The following CLASP1 variants were observed in gnomAD, a reference collection of about 807,000 sequenced individuals.
The protein encoded by CLASP1 is cytoplasmic linker associated protein 1, also known as CLIP-associating protein 1.
CLASP1 carries 38 observed loss-of-function variants against 192.3 expected under a neutral mutation model. The ratio of observed to expected loss-of-function variants is 0.20; its 90% CI spans 0.15 to 0.26. CLASP1 has a LOEUF of 0.26. Among genes scored for constraint, CLASP1 ranks in the 10% least tolerant of loss-of-function variants. The pLI, the probability that CLASP1 is intolerant of heterozygous loss-of-function variation, is 1.00. For synonymous variants in CLASP1, 691 were observed against 712.8 expected, an observed-to-expected ratio of 0.97 and a Z score of 0.49; for missense variants, 1,433 against 1,932.5, an observed-to-expected ratio of 0.74 and a Z score of 4.85.
chr2:121,510,235 A>G (rs2150311323), intron 7 of CLASP1, among the ~76,000 whole-genome samples: 1 of 152,252 alleles, frequency 6.6e-6, no homozygotes, highest in Non-Finnish European at 1.5e-5. Context: ...TACAACAGGG[A>G]AAACAGAAAA....
rs2065257291 is a variant in CLASP1, at chr2:121,610,812, G to GGAGGAGGAAGAGTTA, written c.-285-4633_-285-4632insTAACTCTTCCTCCTC. Among the ~76,000 whole-genome samples the GGAGGAGGAAGAGTTA allele has an allele frequency of 3.7e-5, 5 of 135,132 alleles. 1 individual carries two copies. The highest frequency in any genetic ancestry group is 2.4e-4 in the East Asian group (1 of 4,104). 88.7% of individuals were successfully genotyped at this position (135,132 alleles called of 152,430 possible). ...AGTTACAGGAGGAAGAGGAACTGGA[G>GGAGGAGGAAGAGTTA]CAGGAGGAAGAGTTACAGGAGGAAG... is the stretch of plus-strand genomic sequence containing the variant. On this transcript the variant is annotated intron_variant, in intron 1 of 39. Transcript: ENST00000263710.
At chr2:121,500,392 GAAAGAA>G (rs1425153159) in intron 8 of CLASP1, among the ~76,000 whole-genome samples, 1 of 112,202 alleles carries the variant, frequency 8.9e-6, no homozygotes, top group East Asian at 2.4e-4. Flanking sequence ...AAGAAAGAAA[GAAAGAA>G]AAGAAAGAAA....
chr2:121,387,977 A>T, intron 30 of CLASP1, 71 bp from the exon 32 acceptor site: 3 of 1,208,756 alleles, frequency 2.5e-6, no homozygotes, highest in East Asian at 2.6e-5. Context: ...AAAGTTGTTT[A>T]AAAAAATATT....
At chr2:121,486,004 G>C (rs1051139584) in intron 8 of CLASP1, among the ~76,000 whole-genome samples, 8 of 152,304 alleles carry the variant, frequency 5.3e-5, no homozygotes, top group African/African-American at 1.7e-4. Flanking sequence ...ACCCAGACCT[G>C]AAAACCAGGC....
intron 34 of CLASP1, among the ~76,000 whole-genome samples, chr2:121,375,109 G>A (rs1314759113): frequency 1.3e-5 from 2 of 152,154 alleles, no homozygotes; most frequent in African/African-American, 4.8e-5. Context: ...CTGGTAGGAG[G>A]TGACTGGATC....
At chr2:121,379,027 C>G (rs1279972734) in intron 33 of CLASP1, among the ~76,000 whole-genome samples, 1 of 150,360 alleles carries the variant, frequency 6.7e-6, no homozygotes, top group Admixed American at 6.6e-5. Context: ...AGAGCTCTCA[C>G]TTGGAGTGGC....
At chr2:121,446,607 T>C (rs2084390945) in intron 19 of CLASP1, among the ~76,000 whole-genome samples, 1 of 152,200 alleles carries the variant, frequency 6.6e-6, no homozygotes, top group Non-Finnish European at 1.5e-5. Context: ...AATTGGCTCT[T>C]ACAAAAACAA....
chr2:121,642,677 A>G (rs1390851923), intron 1 of CLASP1, among the ~76,000 whole-genome samples: 1 of 152,146 alleles, frequency 6.6e-6, no homozygotes, highest in African/African-American at 2.4e-5. Context: ...GGTTGCAGTA[A>G]GCTGAGATTG....
intron 37 of CLASP1, among the ~76,000 whole-genome samples, chr2:121,361,442 G>A (rs1210966728): frequency 2.0e-5 from 3 of 152,182 alleles, no homozygotes; most frequent in Admixed American, 2.0e-4. Flanking sequence ...GCCCCTTAAC[G>A]GAGACACAAA....
At chr2:121,470,514 T>A (rs1198946803) in intron 8 of CLASP1, 1 of 367,688 alleles carries the variant, frequency 2.7e-6, no homozygotes, top group Non-Finnish European at 5.2e-6. Flanking sequence ...ATATTTTTCA[T>A]AACCACCATT....
intron 25 of CLASP1, 68 bp downstream of exon 26, chr2:121,407,403 C>T (rs2077080001): frequency 6.5e-7 from 1 of 1,550,200 alleles, no homozygotes; most frequent in Admixed American, 1.8e-5. Flanking sequence ...TATAGGAAAT[C>T]CCTTTAAACC....
chr2:121,513,928 C>A (rs2094213286), intron 7 of CLASP1, among the ~76,000 whole-genome samples: 1 of 152,212 alleles, frequency 6.6e-6, no homozygotes, highest in African/African-American at 2.4e-5. Context: ...AGCAGGTATT[C>A]AGCATAAACC....
At chr2:121,500,384 GAAAGAAAGAA>G (rs1186795678) in intron 8 of CLASP1, among the ~76,000 whole-genome samples, 1 of 110,046 alleles carries the variant, frequency 9.1e-6, no homozygotes, top group Non-Finnish European at 1.9e-5. Flanking sequence ...AAGAAAGAAA[GAAAGAAAGAA>G]AGAAAAGAAA....
chr2:121,572,769 A>G (rs532079362), intron 2 of CLASP1, among the ~76,000 whole-genome samples: 1 of 152,174 alleles, frequency 6.6e-6, no homozygotes, highest in African/African-American at 2.4e-5. Context: ...TTTAAGTTAA[A>G]AGTTAACCCC....
intron 2 of CLASP1, among the ~76,000 whole-genome samples, chr2:121,592,021 A>G (rs2062459392): frequency 6.6e-6 from 1 of 151,918 alleles, no homozygotes; most frequent in Non-Finnish European, 1.5e-5. Context: ...CTCTCCCTCT[A>G]CCTAACCTGT....
At chr2:121,538,251 T>TG (rs1559556516) in intron 2 of CLASP1, among the ~76,000 whole-genome samples, 1 of 88,952 alleles carries the variant, frequency 1.1e-5, no homozygotes, top group Non-Finnish European at 1.8e-5. Context: ...CCGTCTCTAA[T>TG]CAAATACAAA....
At chr2:121,479,049 C>A (rs868618897) in intron 8 of CLASP1, among the ~76,000 whole-genome samples, 1,915 of 70,978 alleles carry the variant, frequency 0.027, 146 homozygotes, top group African/African-American at 0.062. Flanking sequence ...ACACACACAC[C>A]CCCCCCCCAC....
intron 12 of CLASP1, 23 bp from the exon 13 acceptor site, chr2:121,458,998 G>A: frequency 6.4e-7 from 1 of 1,558,900 alleles, no homozygotes; most frequent in Non-Finnish European, 8.7e-7. Flanking sequence ...AAGGATACTG[G>A]ACTATAGTTA....
rs1279257625 is a variant in CLASP1, at chr2:121,386,784, T to C, written c.3374+338A>G. On this transcript the variant is annotated intron_variant, in intron 32 of 39. Transcript: ENST00000263710. ...TGGATGACTAAATACCTTTAGGTTC[T>C]ACCACTTGCAGAATGGGTAATGAGC... Among the ~76,000 whole-genome samples the C allele has an allele frequency of 4.6e-5, 7 of 152,372 alleles. No homozygotes were observed. In the East Asian group the frequency reaches 1.2e-3, roughly 25 times the overall value.
Sources: allele counts gnomAD v4.1 joint callset (sites outside exome capture counted in the v4.1 genomes callset), GRCh38; gene constraint gnomAD v4.1.1; transcripts MANE v1.5; gene names NCBI Gene and HGNC (gene_info 2026-07-23, HGNC 2026-07-21).